The following TMEFF2 variants were observed in gnomAD, a reference collection of about 807,000 sequenced individuals.
TMEFF2 encodes the protein tomoregulin-2.
In TMEFF2, 28 loss-of-function variants were observed where a neutral mutation model predicts 53.8. That is an observed-to-expected ratio of 0.52 (90% CI 0.39 to 0.71). The LOEUF is 0.71. TMEFF2 is among the 30% of genes least tolerant of loss of function. The pLI is 0.00. For missense variants in TMEFF2, 353 were observed against 455.2 expected (o/e 0.78, Z 2.04); for synonymous variants, 162 against 166.3 (o/e 0.97, Z 0.20).
intron 4 of TMEFF2, among the ~76,000 whole-genome samples, chr2:192,098,950 T>C (rs16834182): frequency 0.068 from 10,426 of 152,258 alleles, 484 homozygotes; most frequent in East Asian, 0.2. Context: ...CTTAATGGCG[T>C]TGGTTTTTTA....
At chr2:191,973,560 G>A (rs1692714996) in intron 7 of TMEFF2, among the ~76,000 whole-genome samples, 1 of 151,672 alleles carries the variant, frequency 6.6e-6, no homozygotes, top group South Asian at 2.1e-4. Flanking sequence ...GAAATATTCA[G>A]TGAATCTCTA....
intron 5 of TMEFF2, among the ~76,000 whole-genome samples, chr2:192,039,993 T>G (rs1359333827): frequency 6.6e-6 from 1 of 152,106 alleles, no homozygotes; most frequent in Admixed American, 6.5e-5. Context: ...TTTTACAAGT[T>G]TATCAGTAAT....
chr2:191,983,544 C>A (rs914392320), intron 7 of TMEFF2, among the ~76,000 whole-genome samples: 15 of 152,082 alleles, frequency 9.9e-5, no homozygotes, highest in African/African-American at 3.6e-4. Context: ...GTAAAATATG[C>A]AAGTGCTCTT....
intron 4 of TMEFF2, among the ~76,000 whole-genome samples, chr2:192,130,750 G>A (rs1191367601): frequency 6.6e-6 from 1 of 151,930 alleles, no homozygotes; most frequent in Non-Finnish European, 1.5e-5. Flanking sequence ...CCTGCACCCA[G>A]GTGAAATAAA....
chr2:192,125,190 A>AG (rs34615870), intron 4 of TMEFF2, among the ~76,000 whole-genome samples: 5 of 152,204 alleles, frequency 3.3e-5, no homozygotes, highest in African/African-American at 1.2e-4. Flanking sequence ...TGTGTCCCAA[A>AG]GGTTTGTGAA....
At chr2:192,030,544 AGAGT>A (rs1687104877) in intron 5 of TMEFF2, 1 of 152,084 alleles carries the variant, frequency 6.6e-6, no homozygotes, top group South Asian at 2.1e-4. Flanking sequence ...GACAAGCCAC[AGAGT>A]TGCCCAACCT....
chr2:192,011,816 T>A (rs2105850248), intron 5 of TMEFF2, among the ~76,000 whole-genome samples: 1 of 152,372 alleles, frequency 6.6e-6, no homozygotes, highest in South Asian at 2.1e-4. Context: ...ATCCATTTTA[T>A]ACATTGTCAG....
intron 3 of TMEFF2, among the ~76,000 whole-genome samples, chr2:192,184,123 C>T (rs936821973): frequency 1.3e-5 from 2 of 152,048 alleles, no homozygotes; most frequent in Admixed American, 6.6e-5. Flanking sequence ...TAATGACATA[C>T]GTACTTAAAT....
At chr2:192,090,992 T>C (rs948936111) in intron 4 of TMEFF2, among the ~76,000 whole-genome samples, 3 of 152,166 alleles carry the variant, frequency 2.0e-5, no homozygotes, top group Admixed American at 6.6e-5. Flanking sequence ...TCCACTGATG[T>C]GTTGAAAATA....
chr2:192,100,201 A>G (rs1342442896), intron 4 of TMEFF2, among the ~76,000 whole-genome samples: 1 of 152,142 alleles, frequency 6.6e-6, no homozygotes. Context: ...CTTAAAATAC[A>G]CTGCGCACAT....
intron 7 of TMEFF2, among the ~76,000 whole-genome samples, chr2:191,958,569 C>G (rs543367745): frequency 1.3e-5 from 2 of 152,236 alleles, no homozygotes; most frequent in East Asian, 3.9e-4. Context: ...CAATTATGAA[C>G]TGAAGTATAA....
At chr2:192,101,715 G>A (rs1689035010) in intron 4 of TMEFF2, among the ~76,000 whole-genome samples, 1 of 152,134 alleles carries the variant, frequency 6.6e-6, no homozygotes, top group Non-Finnish European at 1.5e-5. Flanking sequence ...CTATGTCCCA[G>A]GCAGCATCTC....
intron 4 of TMEFF2, among the ~76,000 whole-genome samples, chr2:192,127,896 A>C (rs1301291212): frequency 6.6e-6 from 1 of 152,146 alleles, no homozygotes; most frequent in Non-Finnish European, 1.5e-5. Context: ...CTTAATTTTA[A>C]TTTTTATGTG....
intron 5 of TMEFF2, among the ~76,000 whole-genome samples, chr2:192,043,414 G>A (rs938720880): frequency 2.0e-5 from 3 of 152,188 alleles, no homozygotes; most frequent in Non-Finnish European, 4.4e-5. Flanking sequence ...CTTTCTCTGA[G>A]CCTTCCTCAA....
intron 4 of TMEFF2, among the ~76,000 whole-genome samples, chr2:192,069,548 T>C (rs184653614): frequency 6.6e-5 from 10 of 151,542 alleles, no homozygotes; most frequent in African/African-American, 2.4e-4. Context: ...CCCCACAAAA[T>C]GGTCTAAGAA....
intron 4 of TMEFF2, among the ~76,000 whole-genome samples, chr2:192,155,910 C>T (rs1031660863): frequency 1.3e-5 from 2 of 151,756 alleles, no homozygotes; most frequent in Non-Finnish European, 2.9e-5. Context: ...AAACAGGAAT[C>T]TAGAGACCAA....
chr2:192,019,299 C>A (rs1453335826), intron 5 of TMEFF2, among the ~76,000 whole-genome samples: 2 of 151,700 alleles, frequency 1.3e-5, no homozygotes, highest in East Asian at 3.9e-4. Flanking sequence ...TCATTAGAAT[C>A]ATTATTGAGA....
intron 5 of TMEFF2, among the ~76,000 whole-genome samples, chr2:192,041,214 G>T (rs1687472344): frequency 6.6e-6 from 1 of 152,108 alleles, no homozygotes; most frequent in Non-Finnish European, 1.5e-5. Flanking sequence ...CCATATATCT[G>T]CCAGGGAACT....
At chr2:192,059,080 A>G (rs1210510489) in intron 4 of TMEFF2, among the ~76,000 whole-genome samples, 1 of 152,188 alleles carries the variant, frequency 6.6e-6, no homozygotes, top group Non-Finnish European at 1.5e-5. Flanking sequence ...AAAAAGGACA[A>G]GAAGACATCC....
Sources: gnomAD v4.1 joint callset for allele counts (sites outside exome capture counted in the v4.1 genomes callset) on GRCh38, gnomAD v4.1.1 for gene constraint, MANE v1.5 for transcripts, NCBI Gene and HGNC (gene_info 2026-07-23, HGNC 2026-07-21) for gene names.